DYNC2LI1: variants seen among roughly 807,000 people sequenced by gnomAD.
The protein encoded by DYNC2LI1 is cytoplasmic dynein 2 light intermediate chain 1.
In DYNC2LI1, 45 loss-of-function variants were observed where a neutral mutation model predicts 51.9. That is an observed-to-expected ratio of 0.87 (90% CI 0.68 to 1.11). DYNC2LI1 has a LOEUF of 1.11. DYNC2LI1 is among the 50% of genes most tolerant of loss of function. The pLI is 0.00. For missense variants in DYNC2LI1, 490 were observed against 417.4 expected (o/e 1.17, Z -1.51); for synonymous variants, 130 against 137.8 (o/e 0.94, Z 0.40).
chr2:43,792,818 A>G, intron 5 of DYNC2LI1: 1 of 1,517,448 alleles, frequency 6.6e-7, no homozygotes, highest in Non-Finnish European at 8.8e-7. Flanking sequence ...CGTTTGTAGT[A>G]TGTGTCAGGA....
At chr2:43,797,875 T>C (rs978411640) in intron 8 of DYNC2LI1, among the ~76,000 whole-genome samples, 1 of 152,112 alleles carries the variant, frequency 6.6e-6, no homozygotes, top group African/African-American at 2.4e-5. Flanking sequence ...CCTGTAGTCC[T>C]AACACTTTGG....
At chr2:43,781,366 C>CA (rs533281808) in intron 2 of DYNC2LI1, among the ~76,000 whole-genome samples, 17,748 of 136,608 alleles carry the variant, frequency 0.13, 1,435 homozygotes, top group African/African-American at 0.24. Flanking sequence ...GACTCTGTCT[C>CA]AAAAAAAAAA....
At chr2:43,784,591 C>T (rs10190622) in intron 3 of DYNC2LI1, among the ~76,000 whole-genome samples, 13,834 of 152,098 alleles carry the variant, frequency 0.091, 802 homozygotes, top group Admixed American at 0.2. Context: ...TGTGCCACCA[C>T]GCCGAGCTAA....
At chr2:43,796,906 C>T (rs1665881783) in intron 8 of DYNC2LI1, 111 bp downstream of exon 8, 2 of 804,102 alleles carry the variant, frequency 2.5e-6, no homozygotes, top group Admixed American at 2.2e-5. Flanking sequence ...TGCACATGGT[C>T]CCGTTGCTTT....
intron 8 of DYNC2LI1, among the ~76,000 whole-genome samples, chr2:43,797,195 A>G (rs369745787): frequency 1.9e-4 from 29 of 152,326 alleles, no homozygotes; most frequent in African/African-American, 7.0e-4. Flanking sequence ...GTTTGTTGTA[A>G]AAGTTAAAAA....
the DYNC2LI1 span, among the ~76,000 whole-genome samples, chr2:43,816,196 A>G: frequency 6.6e-6 from 1 of 152,216 alleles, no homozygotes; most frequent in African/African-American, 2.4e-5. Flanking sequence ...TTATTCACTC[A>G]ACAAATAATG....
At chr2:43,778,143 A>G (rs1044363564) in intron 2 of DYNC2LI1, among the ~76,000 whole-genome samples, 4 of 152,170 alleles carry the variant, frequency 2.6e-5, no homozygotes, top group Admixed American at 6.5e-5. Flanking sequence ...ACCCAACTAT[A>G]TAAGTATATA....
chr2:43,804,855 C>A, intron 11 of DYNC2LI1, 116 bp downstream of exon 11: 9 of 598,042 alleles, frequency 1.5e-5, no homozygotes, highest in East Asian at 3.1e-5. Flanking sequence ...GCTCAAAAAT[C>A]AATTAAACAT....
intron 12 of DYNC2LI1, among the ~76,000 whole-genome samples, chr2:43,807,433 C>T (rs1036658878): frequency 2.0e-5 from 3 of 152,010 alleles, no homozygotes; most frequent in East Asian, 3.9e-4. Flanking sequence ...CCTTCTACCT[C>T]TTTTGTGTTT....
At chr2:43,775,557 G>A (rs1353924579) in intron 1 of DYNC2LI1, among the ~76,000 whole-genome samples, 1 of 151,564 alleles carries the variant, frequency 6.6e-6, no homozygotes, top group African/African-American at 2.4e-5. Context: ...GGAGTGCAGT[G>A]ATGTCAACAT....
chr2:43,810,423 T>A (rs1666441711), downstream of DYNC2LI1: 1 of 985,394 alleles, frequency 1.0e-6, no homozygotes, highest in South Asian at 4.7e-5. Context: ...GGACAAAACA[T>A]CATGTGTTGC....
At position 43,774,075 on chromosome 2, in the gene DYNC2LI1, C is replaced by T. The variant is rs973075913; in HGVS notation, c.-64C>T. On this transcript the variant is annotated 5_prime_UTR_variant, in exon 1 of 13. Transcript: ENST00000260605. The stretch of plus-strand genomic sequence containing the variant: ...CTCCCAGACTCCTTGCGGAGCTCGC[C>T]GCCTGATTCTAGGCTGGTCACTACT... 5.1e-5 allele frequency: 82 copies of T among 1,606,542 alleles called. No homozygotes were observed. The highest frequency in any genetic ancestry group is 6.7e-5 in the Non-Finnish European group (79 of 1,176,372).
chr2:43,800,768 A>G, intron 8 of DYNC2LI1, 73 bp from the exon 9 acceptor site: 2 of 782,528 alleles, frequency 2.6e-6, no homozygotes, highest in Admixed American at 5.0e-5. Context: ...ATTTGTTCAA[A>G]GCCATATTTA....
intron 2 of DYNC2LI1, 36 bp downstream of exon 2, chr2:43,776,935 T>A: frequency 9.4e-7 from 1 of 1,068,904 alleles, no homozygotes; most frequent in Non-Finnish European, 1.4e-6. Context: ...TGTGATGATT[T>A]AACAACCATT....
At chr2:43,808,645 T>C (rs996457133) in intron 12 of DYNC2LI1, among the ~76,000 whole-genome samples, 3 of 152,180 alleles carry the variant, frequency 2.0e-5, no homozygotes, top group Admixed American at 6.5e-5. Flanking sequence ...TAAGATATAC[T>C]CCTTGTGAAA....
At chr2:43,820,066 C>A in the DYNC2LI1 span, 1 of 1,614,078 alleles carries the variant, frequency 6.2e-7, no homozygotes, top group Non-Finnish European at 8.5e-7. Context: ...GAAAAATATC[C>A]AAATCGGGCA....
intron 5 of DYNC2LI1, among the ~76,000 whole-genome samples, chr2:43,792,429 C>T (rs943651138): frequency 2.0e-5 from 3 of 152,054 alleles, no homozygotes; most frequent in Non-Finnish European, 4.4e-5. Flanking sequence ...GGATATAATC[C>T]TAAACCATCA....
chr2:43,819,717 T>C, the DYNC2LI1 span, among the ~76,000 whole-genome samples: 1 of 152,174 alleles, frequency 6.6e-6, no homozygotes, highest in Non-Finnish European at 1.5e-5. Context: ...TGATTCCCGA[T>C]AAAAAAGACA....
chr2:43,823,980 G>A, the DYNC2LI1 span: 7 of 1,614,202 alleles, frequency 4.3e-6, no homozygotes, highest in East Asian at 6.7e-5. Flanking sequence ...GGAGACCTAC[G>A]CGGTCCTGGA....
Sources: allele counts gnomAD v4.1 joint callset (sites outside exome capture counted in the v4.1 genomes callset), GRCh38; gene constraint gnomAD v4.1.1; transcripts MANE v1.5; gene names NCBI Gene and HGNC (gene_info 2026-07-23, HGNC 2026-07-21).